Variants in RBFOX3 observed in about 807,000 individuals in gnomAD.
RBFOX3 encodes the protein RNA binding protein fox-1 homolog 3.
RBFOX3 carries 17 observed loss-of-function variants against 48.7 expected under a neutral mutation model. The ratio of observed to expected loss-of-function variants is 0.35; its 90% CI spans 0.24 to 0.52. The LOEUF (loss-of-function observed/expected upper bound fraction) is 0.52. Among genes scored for constraint, RBFOX3 ranks in the 20% least tolerant of loss-of-function variants. The pLI is 0.94. For synonymous variants in RBFOX3, 212 were observed against 209.5 expected (o/e 1.01, Z -0.10); for missense variants, 382 against 497.5 (o/e 0.77, Z 2.21).
chr17:79,451,365 G>T (rs569021294), intron 2 of RBFOX3, among the ~76,000 whole-genome samples: 82 of 152,304 alleles, frequency 5.4e-4, no homozygotes, highest in African/African-American at 1.9e-3. Flanking sequence ...CCGGGAAGAC[G>T]TTGTCACCTC....
At chr17:79,613,521 T>C (rs2093982849), upstream of RBFOX3, among the ~76,000 whole-genome samples, 1 of 152,228 alleles carries the variant, frequency 6.6e-6, no homozygotes, top group Non-Finnish European at 1.5e-5. Flanking sequence ...GAAACTTTAA[T>C]TTTTAAAAAG....
intron 4 of RBFOX3, among the ~76,000 whole-genome samples, chr17:79,177,046 G>A (rs943671315): frequency 6.6e-6 from 1 of 151,906 alleles, no homozygotes; most frequent in African/African-American, 2.4e-5. Flanking sequence ...TGCCCCCTGG[G>A]TCCCACACCA....
chr17:79,489,546 T>C (rs1440262731), intron 1 of RBFOX3, among the ~76,000 whole-genome samples: 2 of 152,196 alleles, frequency 1.3e-5, no homozygotes, highest in African/African-American at 2.4e-5. Flanking sequence ...CCACCCACCT[T>C]GGCCTCCCAG....
chr17:79,248,326 G>C (rs542226404), intron 3 of RBFOX3, among the ~76,000 whole-genome samples: 2 of 152,000 alleles, frequency 1.3e-5, no homozygotes, highest in East Asian at 1.9e-4. Flanking sequence ...CTCCACTCCC[G>C]GGTTCACGCC....
At chr17:79,129,783 A>G (rs550605044) in intron 4 of RBFOX3, among the ~76,000 whole-genome samples, 3 of 152,336 alleles carry the variant, frequency 2.0e-5, no homozygotes, top group Middle Eastern at 3.4e-3. Flanking sequence ...GTTCTAAACT[A>G]CCAGCCTGAA....
At chr17:79,372,810 G>A (rs904574319) in intron 2 of RBFOX3, among the ~76,000 whole-genome samples, 1 of 152,234 alleles carries the variant, frequency 6.6e-6, no homozygotes, top group African/African-American at 2.4e-5. Flanking sequence ...GTAGAGCTGC[G>A]TGTCCAACTG....
At chr17:79,308,852 C>T (rs1159157590) in intron 2 of RBFOX3, among the ~76,000 whole-genome samples, 1 of 150,044 alleles carries the variant, frequency 6.7e-6, no homozygotes, top group Non-Finnish European at 1.5e-5. Flanking sequence ...GGTGTGGTGG[C>T]TCATGCCTGT....
chr17:79,302,242 C>T (rs1373451877), intron 3 of RBFOX3, among the ~76,000 whole-genome samples: 1 of 152,182 alleles, frequency 6.6e-6, no homozygotes, highest in Non-Finnish European at 1.5e-5. Flanking sequence ...CCATCAGCAG[C>T]CCTTCAAGAA....
intron 3 of RBFOX3, among the ~76,000 whole-genome samples, chr17:79,285,151 G>A (rs146540126): frequency 1.8e-4 from 28 of 152,254 alleles, no homozygotes; most frequent in Middle Eastern, 3.4e-3. Flanking sequence ...CTTCTACGAC[G>A]CAGGCACATC....
chr17:79,460,291 G>A lies in RBFOX3; in HGVS notation c.-175+22163C>T, dbSNP rs2075207098. ...ATTTTACCTCATTAAAAAAAAATGGGCCCCTCTCTGACTCTTCTGCTCCCA... is the reference window on the plus strand; with the variant it reads ...ATTTTACCTCATTAAAAAAAAATGGACCCCTCTCTGACTCTTCTGCTCCCA... On this transcript the variant is annotated intron_variant, in intron 2 of 14. Transcript: ENST00000693108. Among the ~76,000 whole-genome samples, 4 of 151,716 alleles carry A rather than the reference G, an allele frequency of 2.6e-5. No homozygotes were observed. In the South Asian group the frequency reaches 8.3e-4, roughly 32 times the overall value.
chr17:79,626,461 C>T, the RBFOX3 span, among the ~76,000 whole-genome samples: 2 of 152,230 alleles, frequency 1.3e-5, no homozygotes, highest in African/African-American at 4.8e-5. Context: ...ATGGGCTTCC[C>T]GGTGTCTCCG....
chr17:79,526,042 A>T (rs2086752640), intron 1 of RBFOX3, among the ~76,000 whole-genome samples: 4 of 152,226 alleles, frequency 2.6e-5, no homozygotes, highest in African/African-American at 9.6e-5. Flanking sequence ...CACCAGGGGC[A>T]CTGACACCAC....
At chr17:79,636,851 A>G in the RBFOX3 span, among the ~76,000 whole-genome samples, 250 of 152,336 alleles carry the variant, frequency 1.6e-3, 1 homozygote, top group Non-Finnish European at 3.0e-3. Context: ...TAAATTCTCC[A>G]AACATAAGAT....
At chr17:79,272,344 C>A (rs2067888453) in intron 3 of RBFOX3, among the ~76,000 whole-genome samples, 1 of 152,208 alleles carries the variant, frequency 6.6e-6, no homozygotes, top group Admixed American at 6.5e-5. Context: ...CCCTGTGACA[C>A]ATGGCTCATC....
intron 1 of RBFOX3, among the ~76,000 whole-genome samples, chr17:79,523,334 G>A (rs980833957): frequency 1.3e-5 from 2 of 152,192 alleles, no homozygotes; most frequent in Non-Finnish European, 2.9e-5. Context: ...AAAAAGCAAA[G>A]TTTAAATGTC....
chr17:79,315,634 A>G (rs1245363280), intron 2 of RBFOX3, among the ~76,000 whole-genome samples: 2 of 152,252 alleles, frequency 1.3e-5, no homozygotes, highest in Admixed American at 1.3e-4. Flanking sequence ...CATAAAAGCC[A>G]CGTGATCAAA....
chr17:79,248,753 A>G (rs1254617964), intron 3 of RBFOX3, among the ~76,000 whole-genome samples: 2 of 152,160 alleles, frequency 1.3e-5, no homozygotes, highest in Non-Finnish European at 2.9e-5. Flanking sequence ...AGCTGAGGCA[A>G]TGGGGGTCCC....
chr17:79,143,835 G>C (rs1274077993), intron 4 of RBFOX3, among the ~76,000 whole-genome samples: 1 of 152,228 alleles, frequency 6.6e-6, no homozygotes. Context: ...TTTTCAGTCG[G>C]TGAGGACCCC....
At position 79,388,309 on chromosome 17, in the gene RBFOX3, C is replaced by T. The variant is rs867290429; in HGVS notation, c.-174-80485G>A. Among the ~76,000 whole-genome samples, 83 of 152,238 alleles carry T rather than the reference C, an allele frequency of 5.5e-4. 1 individual carries two copies. Among genetic ancestry groups the T allele is most frequent in the Admixed American group, 4.3e-3 (66 of 15,286 alleles). ...GAGAGAACAAGGAGTTGGGCCCTTC[C>T]AGGGCCTCAAAAGCACCCAGGCATG... is the stretch of plus-strand genomic sequence containing the variant. On this transcript the variant is annotated intron_variant, in intron 2 of 14. Transcript: ENST00000693108.
Sources: allele counts gnomAD v4.1 joint callset (sites outside exome capture counted in the v4.1 genomes callset), GRCh38; gene constraint gnomAD v4.1.1; transcripts MANE v1.5; gene names NCBI Gene and HGNC (gene_info 2026-07-23, HGNC 2026-07-21).